The following CAST variants were observed in gnomAD, a reference collection of about 807,000 sequenced individuals.
CAST encodes the protein MIR583 host.
CAST carries 76 observed loss-of-function variants against 119.6 expected under a neutral mutation model. The ratio of observed to expected loss-of-function variants is 0.64; its 90% confidence interval spans 0.53 to 0.77. The LOEUF (loss-of-function observed/expected upper bound fraction) is 0.77. Ranked by LOEUF, CAST falls within the 30% of genes least tolerant of loss-of-function variation. The pLI is 0.00. For missense variants in CAST, 953 were observed against 946.5 expected (o/e 1.01, Z -0.09); for synonymous variants, 319 against 331.6 (o/e 0.96, Z 0.41).
chr5:96,416,810 AG>A, the CAST span, among the ~76,000 whole-genome samples: 2 of 152,224 alleles, frequency 1.3e-5, no homozygotes, highest in Non-Finnish European at 2.9e-5. Context: ...TCAAGCAAAG[AG>A]GGTAATTTAT....
the CAST span, among the ~76,000 whole-genome samples, chr5:95,983,626 T>G: frequency 1.3e-5 from 2 of 152,248 alleles, no homozygotes; most frequent in Non-Finnish European, 2.9e-5. Context: ...GCTTCTGTAT[T>G]ATTTGAATTT....
At chr5:96,459,617 T>A in the CAST span, among the ~76,000 whole-genome samples, 3 of 152,280 alleles carry the variant, frequency 2.0e-5, no homozygotes, top group African/African-American at 4.8e-5. Context: ...AGAACTCCCA[T>A]GGAGTTTTCT....
At chr5:96,459,746 T>C in the CAST span, among the ~76,000 whole-genome samples, 2 of 152,224 alleles carry the variant, frequency 1.3e-5, no homozygotes, top group African/African-American at 4.8e-5. Context: ...AATTCTGGAC[T>C]GCTTACTAAT....
chr5:96,491,318 T>C, the CAST span, among the ~76,000 whole-genome samples: 1 of 86,340 alleles, frequency 1.2e-5, no homozygotes, highest in African/African-American at 3.5e-5. Flanking sequence ...ACCCCATCTC[T>C]ACTAAAAAAT....
chr5:96,032,629 G>A, the CAST span, among the ~76,000 whole-genome samples: 1 of 152,074 alleles, frequency 6.6e-6, no homozygotes, highest in Admixed American at 6.6e-5. Context: ...ATTGTGCCAC[G>A]AAATACCACT....
chr5:96,555,207 G>A (rs944016335), intron 1 of CAST, among the ~76,000 whole-genome samples: 7 of 152,232 alleles, frequency 4.6e-5, no homozygotes, highest in Non-Finnish European at 8.8e-5. Context: ...ATACACCATG[G>A]AGTACTATGC....
upstream of CAST, among the ~76,000 whole-genome samples, chr5:96,523,726 C>T (rs573669166): frequency 2.6e-5 from 4 of 152,186 alleles, no homozygotes; most frequent in South Asian, 8.3e-4. Context: ...ATGCAGTGTC[C>T]ACTGCATGGC....
At chr5:96,368,527 A>G in the CAST span, among the ~76,000 whole-genome samples, 2 of 151,518 alleles carry the variant, frequency 1.3e-5, no homozygotes, top group Admixed American at 6.6e-5. Flanking sequence ...AAAAAAACCT[A>G]TAGAATTATT....
chr5:96,437,820 A>G, the CAST span, among the ~76,000 whole-genome samples: 1 of 152,176 alleles, frequency 6.6e-6, no homozygotes, highest in African/African-American at 2.4e-5. Flanking sequence ...GATATTTTTT[A>G]ACAAGTTGTT....
At chr5:96,662,145 G>GGGGCCGGGGCGGGTCACCGGGTGA (rs1232531920), upstream of CAST, 1 of 382,152 alleles carries the variant, frequency 2.6e-6, no homozygotes, top group African/African-American at 2.1e-5. Flanking sequence ...GAGCAGTGCT[G>GGGGCCGGGGCGGGTCACCGGGTGA]GGGCCGGGGC....
the CAST span, among the ~76,000 whole-genome samples, chr5:96,386,158 C>A: frequency 6.6e-6 from 1 of 152,192 alleles, no homozygotes; most frequent in East Asian, 1.9e-4. Flanking sequence ...TTATTATTGG[C>A]ATCTCAATGC....
At chr5:96,397,962 TATTA>T in the CAST span, among the ~76,000 whole-genome samples, 1 of 152,136 alleles carries the variant, frequency 6.6e-6, no homozygotes, top group African/African-American at 2.4e-5. Context: ...TTAATTAATG[TATTA>T]ATTTCTTAAA....
the CAST span, among the ~76,000 whole-genome samples, chr5:96,108,554 A>T: frequency 6.6e-6 from 1 of 151,930 alleles, no homozygotes; most frequent in Non-Finnish European, 1.5e-5. Flanking sequence ...GGGGTCAGGG[A>T]CCCACTTGAG....
the CAST span, chr5:96,412,381 A>C: frequency 6.2e-7 from 1 of 1,613,456 alleles, no homozygotes. Flanking sequence ...CAGTTTTCCC[A>C]TCATCATTAG....
At chr5:95,980,050 G>A in the CAST span, among the ~76,000 whole-genome samples, 2 of 152,042 alleles carry the variant, frequency 1.3e-5, no homozygotes, top group African/African-American at 4.8e-5. Context: ...CCTGGGAGGC[G>A]GAGGTTGCCG....
the CAST span, among the ~76,000 whole-genome samples, chr5:96,203,866 A>C: frequency 6.6e-6 from 1 of 152,060 alleles, no homozygotes; most frequent in Non-Finnish European, 1.5e-5. Context: ...GACTTTAAAA[A>C]GTTGGTACTA....
At chr5:96,562,047 C>T (rs1195169416) in intron 1 of CAST, among the ~76,000 whole-genome samples, 1 of 151,418 alleles carries the variant, frequency 6.6e-6, no homozygotes, top group Non-Finnish European at 1.5e-5. Flanking sequence ...CCGCCTCGGC[C>T]TCCCAAAGTG....
At chr5:96,749,669 C>A (rs1764551429) in intron 19 of CAST, among the ~76,000 whole-genome samples, 1 of 152,172 alleles carries the variant, frequency 6.6e-6, no homozygotes, top group South Asian at 2.1e-4. Flanking sequence ...GCCTCAGCCT[C>A]CTGAGTAGCT....
At chr5:96,422,534 C>T in the CAST span, among the ~76,000 whole-genome samples, 1 of 152,204 alleles carries the variant, frequency 6.6e-6, no homozygotes, top group Non-Finnish European at 1.5e-5. Context: ...ACTTAAACGC[C>T]TCCCGCATAC....
Sources: gnomAD v4.1 joint callset for allele counts (sites outside exome capture counted in the v4.1 genomes callset) on GRCh38, gnomAD v4.1.1 for gene constraint, MANE v1.5 for transcripts, NCBI Gene and HGNC (gene_info 2026-07-23, HGNC 2026-07-21) for gene names.